Variants in MED24 observed in about 807,000 individuals in gnomAD.
MED24 encodes the protein mediator complex subunit 24.
In MED24, 74 loss-of-function variants were observed where a neutral mutation model predicts 118.8. The observed-to-expected ratio is 0.62, with a 90% CI of 0.52 to 0.76. MED24 has a LOEUF of 0.76. MED24 is among the 30% of genes least tolerant of loss of function. The probability of loss-of-function intolerance (pLI) is 0.00; values close to 1 mark genes in which losing one functional copy is unlikely to be tolerated. For synonymous variants in MED24, 521 were observed against 523.9 expected (o/e 0.99, Z 0.08); for missense variants, 1,041 against 1,278.9 (o/e 0.81, Z 2.84).
chr17:40,033,382 G>A lies in MED24; in HGVS notation c.634C>T (p.Arg212Trp), dbSNP rs201239361. The stretch of plus-strand genomic sequence containing the variant: ...GTGCCACACTGCTCGGCCTGACTCC[G>A]GAGCTGCGGGTTGCTGAGATTGGCC... The part of the protein sequence containing the change: ...ILANLSNPQL[R>W]SQAEQCGTLI... The change falls in exon 7 of 26, where the codon CGG (arginine) becomes TGG (tryptophan). Residue 212 changes from arginine (R) to tryptophan (W), a missense_variant. Around this residue, in one of 3 missense-constraint regions of MED24, gnomAD observed 434 missense variants for 514.9 expected, o/e 0.84. Coordinates refer to ENST00000394128, the MANE Select transcript of MED24 (RefSeq NM_014815.4). The surrounding 1 kb of genome is among the most constrained non-coding windows in gnomAD (Gnocchi z 5.2). 44 of 1,612,292 alleles carry A rather than the reference G, an allele frequency of 2.7e-5. No individual in the cohort carries two copies. In the East Asian group the frequency reaches 5.8e-4, roughly 21 times the overall value.
At chr17:40,031,642 C>T (rs1983389636) in intron 10 of MED24, 22 bp from the exon 11 acceptor site, 1 of 1,608,922 alleles carries the variant, frequency 6.2e-7, no homozygotes, top group Non-Finnish European at 8.5e-7. Context: ...CAGAAGTGTC[C>T]ATCTGGTTTC....
chr17:40,052,765 C>T (rs2145010494), intron 3 of MED24, among the ~76,000 whole-genome samples: 1 of 152,102 alleles, frequency 6.6e-6, no homozygotes, highest in Non-Finnish European at 1.5e-5. Context: ...CCTGCTACCA[C>T]TCCCAGCAGA....
intron 23 of MED24, 144 bp from the exon 24 acceptor site, chr17:40,020,497 AC>A (rs1231313695): frequency 6.5e-7 from 1 of 1,533,978 alleles, no homozygotes; most frequent in African/African-American, 1.4e-5. Context: ...GATCAAGAGC[AC>A]AAAGGGAGGC....
At chr17:40,026,367 T>G in intron 18 of MED24, 36 bp from the exon 19 acceptor site, 3 of 1,600,644 alleles carry the variant, frequency 1.9e-6, no homozygotes, top group Non-Finnish European at 2.6e-6. Flanking sequence ...CTACCATCTA[T>G]CTCCCTTTCT....
chr17:40,023,096 C>T (rs1310848687), intron 20 of MED24, 35 bp downstream of exon 20: 2 of 1,592,516 alleles, frequency 1.3e-6, no homozygotes, highest in East Asian at 2.2e-5. Flanking sequence ...GGGGACAGGA[C>T]CCATGTCGGC....
At position 40,026,444 on chromosome 17, in the gene MED24, T is replaced by C. The variant is rs778139226; in HGVS notation, c.1810-113A>G. ...GCAGCGGGTGGAGTCCCGGGCCACA[T>C]TCCACACCTCTCTCCACAAGTTTGA... is the stretch of plus-strand genomic sequence containing the variant. On this transcript the variant is annotated intron_variant, in intron 18 of 25. Coordinates refer to ENST00000394128, the MANE Select transcript of MED24 (RefSeq NM_014815.4). 6.8e-6 allele frequency: 9 copies of C among 1,332,016 alleles called. No individual in the cohort carries two copies. The African/African-American group carries it at 1.2e-4, about 17-fold the overall frequency. The allele number at this position is 1,332,016 out of a possible 1,614,324, so 82.5% of individuals were successfully genotyped here.
intron 3 of MED24, among the ~76,000 whole-genome samples, chr17:40,038,451 G>A (rs867133055): frequency 1.8e-4 from 28 of 152,164 alleles, no homozygotes; most frequent in Admixed American, 8.5e-4. Flanking sequence ...AGTCGCTCAC[G>A]CCTGTAATCC....
chr17:40,029,535 G>A lies in MED24; in HGVS notation c.1266+213C>T, dbSNP rs145719500. 7.2e-5 allele frequency among the ~76,000 whole-genome samples: 11 copies of A among 152,272 alleles called. No individual in the cohort carries two copies. In the South Asian group the frequency reaches 1.2e-3, roughly 17 times the overall value. ...CATGTGAGATGGCCTAAGTGAAAGC[G>A]CCTACTGCAGTGCCTGGTGTACAAA... is the stretch of plus-strand genomic sequence containing the variant. On this transcript the variant is annotated intron_variant, in intron 13 of 25. Coordinates refer to ENST00000394128, the MANE Select transcript of MED24 (RefSeq NM_014815.4).
chr17:40,037,216 GA>G (rs1220311686), intron 3 of MED24, among the ~76,000 whole-genome samples: 1 of 150,688 alleles, frequency 6.6e-6, no homozygotes, highest in Non-Finnish European at 1.5e-5. Context: ...GAGAAAGAGG[GA>G]AGGAAGGAAG....
rs1255472440 is a variant in MED24 at position 40,022,042 on chromosome 17, G to A, written c.2536C>T (p.Leu846Phe). ...GGCTGCACATCGTCCAGGGGGAAGA[G>A]GCTGATATAATCCTAGAGGGAGTGA... is the stretch of plus-strand genomic sequence containing the variant. ...HREDIEDYIS[L>F]FPLDDVQPSK... The change falls in exon 23 of 26, where the codon CTC becomes TTC. Residue 846 changes from leucine (L) to phenylalanine (F), a missense_variant. Coordinates refer to ENST00000394128, the MANE Select transcript of MED24 (RefSeq NM_014815.4). 2 of 1,608,738 alleles carry A rather than the reference G, an allele frequency of 1.2e-6. No homozygotes were observed. Among genetic ancestry groups the A allele is most frequent in the East Asian group, 2.2e-5 (1 of 44,774 alleles).
intron 23 of MED24, 114 bp from the exon 24 acceptor site, chr17:40,020,467 G>A (rs1476372101): frequency 1.1e-5 from 17 of 1,543,190 alleles, no homozygotes; most frequent in Non-Finnish European, 1.4e-5. Flanking sequence ...GGTACATGGA[G>A]AGCCCAGAGA....
rs777449008 is a variant in MED24, at chr17:40,031,598, C to T, written c.1007G>A (p.Cys336Tyr). ...GDKDFTEDVNCAFEFLLKLTP... is the reference protein window; with the variant it reads ...GDKDFTEDVNYAFEFLLKLTP... ...GAGCTTCAGCAGGAACTCAAAAGCA[C>T]AGTTGACATCCTCAGTGAAGTCCTA... is the stretch of plus-strand genomic sequence containing the variant. The change falls in exon 11 of 26, where the codon TGT becomes TAT. Residue 336 changes from cysteine to tyrosine, a missense_variant. Cys to Tyr is a radical substitution (Grantham distance 194). This residue lies in a region of MED24 where 434 missense variants were observed against 514.9 expected (regional missense o/e 0.84). Coordinates refer to ENST00000394128, the MANE Select transcript of MED24 (RefSeq NM_014815.4). 6.2e-7 allele frequency: 1 copy of T among 1,614,066 alleles called. No homozygotes were observed. The highest frequency in any genetic ancestry group is 8.5e-7 in the Non-Finnish European group (1 of 1,180,018).
At chr17:40,023,529 C>T (rs1279980692) in intron 19 of MED24, 134 bp from the exon 20 acceptor site, 26 of 851,894 alleles carry the variant, frequency 3.1e-5, no homozygotes, top group Non-Finnish European at 4.4e-5. Context: ...CCCAGTTTTG[C>T]GCTGGGGGAC....
rs776864101 is a variant in MED24, at chr17:40,035,245, T to G, written c.431A>C (p.Glu144Ala). Residue 144 changes from glutamate to alanine, a missense_variant, in exon 6 of 26, where the codon GAG (glutamate) becomes GCG (alanine). Coordinates refer to ENST00000394128, the MANE Select transcript of MED24 (RefSeq NM_014815.4). The part of the protein sequence containing the change: ...CTAASAERLR[E>A]GLEAGTPAAG... Reference sequence around the variant, plus strand: ...GGCTGGAGTGCCGGCCTCCAGCCCCTCCCGCAGCCGCTCTGCAGAGGCTGC... The same window carrying G: ...GGCTGGAGTGCCGGCCTCCAGCCCCGCCCGCAGCCGCTCTGCAGAGGCTGC... 6.2e-7 allele frequency: 1 copy of G among 1,613,724 alleles called. No individual in the cohort carries two copies. The highest frequency in any genetic ancestry group is 8.5e-7 in the Non-Finnish European group (1 of 1,179,950).
Position 40,026,802 on chromosome 17 carries a change from G to T in MED24, c.1709+54C>A. Reference sequence around the variant, plus strand: ...GAGCAAGGAACGGGCTCAGGGAGCGGGTCTTGACCCTGCCCCCACCGCCAC... The same window carrying T: ...GAGCAAGGAACGGGCTCAGGGAGCGTGTCTTGACCCTGCCCCCACCGCCAC... On this transcript the variant is annotated intron_variant, in intron 17 of 25. Transcript: ENST00000394128. 3 of 1,611,096 alleles carry T rather than the reference G, an allele frequency of 1.9e-6. No homozygotes were observed. The East Asian group carries it at 6.7e-5, about 36-fold the overall frequency.
At chr17:40,041,076 T>C (rs1226391101) in intron 3 of MED24, among the ~76,000 whole-genome samples, 1 of 152,194 alleles carries the variant, frequency 6.6e-6, no homozygotes, top group Non-Finnish European at 1.5e-5. Context: ...ACTCCCTGGC[T>C]CTACCTGCAC....
rs1355803629 is a variant in MED24, at chr17:40,035,750, T to C, written c.298A>G (p.Ile100Val). Residue 100 changes from isoleucine to valine, a missense_variant, in exon 5 of 26, where the codon ATC (isoleucine) becomes GTC (valine). Ile to Val is a conservative substitution (Grantham distance 29). This residue lies in a region of MED24 where 434 missense variants were observed against 514.9 expected (regional missense o/e 0.84). Transcript: ENST00000394128. ...AGACGGTCACAAAACATGTCCATGATGTCCAGCAATGCCTGGACACACAGG... is the reference window on the plus strand; with the variant it reads ...AGACGGTCACAAAACATGTCCATGACGTCCAGCAATGCCTGGACACACAGG... ...RDLCVQALLDIMDMFCDRLSC... is the reference protein window; with the variant it reads ...RDLCVQALLDVMDMFCDRLSC... The C allele has an allele frequency of 6.2e-7, 1 of 1,613,990 alleles. No individual in the cohort carries two copies. Among genetic ancestry groups the C allele is most frequent in the African/African-American group, 1.3e-5 (1 of 74,898 alleles).
intron 1 of MED24, chr17:40,053,856 C>T (rs531663942): frequency 2.9e-5 from 18 of 626,828 alleles, no homozygotes; most frequent in Admixed American, 5.9e-5. Flanking sequence ...ATCGGCCGAG[C>T]GCAGTGGCTC....
chr17:40,039,067 G>T (rs77561395), intron 3 of MED24, among the ~76,000 whole-genome samples: 1,699 of 152,298 alleles, frequency 0.011, 41 homozygotes, highest in African/African-American at 0.039. Context: ...CCTGCAGGGG[G>T]AGCTGGATGT....
Sources: gnomAD v4.1 joint callset for allele counts (sites outside exome capture counted in the v4.1 genomes callset) on GRCh38, gnomAD v4.1.1 for gene constraint, gnomAD v4.1.1 regional missense constraint, Gnocchi (gnomAD v3.1) non-coding constraint, MANE v1.5 for transcripts, NCBI Gene and HGNC (gene_info 2026-07-23, HGNC 2026-07-21) for gene names.